SDK1: variants seen among roughly 807,000 people sequenced by gnomAD.
The protein encoded by SDK1 is protein sidekick-1.
In SDK1, 157 loss-of-function variants were observed where a neutral mutation model predicts 245.5. The ratio of observed to expected loss-of-function variants is 0.64; its 90% CI spans 0.56 to 0.73. The LOEUF (loss-of-function observed/expected upper bound fraction) is 0.73, where lower values mean the gene tolerates loss of function less well. Among genes scored for constraint, SDK1 ranks in the 30% least tolerant of loss-of-function variants. The probability of loss-of-function intolerance (pLI) is 0.00; values close to 1 mark genes in which losing one functional copy is unlikely to be tolerated. For synonymous variants in SDK1, 1,647 were observed against 1,278.5 expected (o/e 1.29, Z -6.15); for missense variants, 3,583 against 3,002.3 (o/e 1.19, Z -4.52).
chr7:4,094,982 T>C (rs1239934063), intron 22 of SDK1, among the ~76,000 whole-genome samples: 1 of 152,240 alleles, frequency 6.6e-6, no homozygotes, highest in Non-Finnish European at 1.5e-5. Flanking sequence ...GGTGAAGCTT[T>C]GTCGAAACAT....
intron 1 of SDK1, among the ~76,000 whole-genome samples, chr7:3,429,765 T>G (rs1779781064): frequency 6.6e-6 from 1 of 151,926 alleles, no homozygotes; most frequent in African/African-American, 2.4e-5. Context: ...TCTGGCTTTT[T>G]TTTTTTTTGT....
chr7:3,403,826 T>C (rs6973782), intron 1 of SDK1, among the ~76,000 whole-genome samples: 282 of 11,488 alleles, frequency 0.025, 6 homozygotes, highest in African/African-American at 0.11. Context: ...ATATCTTACA[T>C]ATATATATAT....
At chr7:4,094,503 A>G (rs1039640190) in intron 22 of SDK1, among the ~76,000 whole-genome samples, 4 of 152,214 alleles carry the variant, frequency 2.6e-5, no homozygotes, top group Non-Finnish European at 5.9e-5. Context: ...TGCTAGGCAC[A>G]GGGGCCTCTG....
chr7:3,384,322 T>G (rs1336447195), intron 1 of SDK1, among the ~76,000 whole-genome samples: 2 of 152,192 alleles, frequency 1.3e-5, no homozygotes, highest in Non-Finnish European at 2.9e-5. Flanking sequence ...CATTTTTATT[T>G]TATAAAACTT....
rs1788594443 is a variant in SDK1 at position 4,268,313 on chromosome 7, G to T, written c.*2929G>T. On this transcript the variant is annotated 3_prime_UTR_variant, in exon 45 of 45. Coordinates refer to ENST00000404826, the MANE Select transcript of SDK1 (RefSeq NM_152744.4). The stretch of plus-strand genomic sequence containing the variant: ...CCTCCTCCTGGGGTGCCAGGGCAGA[G>T]ATTCCAGGCAGGTGAGCCCAGAGAG... The T allele has an allele frequency of 5.8e-6, 6 of 1,028,058 alleles. No homozygotes were observed. In the South Asian group the frequency reaches 2.2e-4, roughly 37 times the overall value. The allele number at this position is 1,028,058 out of a possible 1,614,324, so 63.7% of individuals were successfully genotyped here. A position where few individuals can be genotyped will look rare whatever the true frequency, so the allele number is the denominator to read the frequency against.
intron 4 of SDK1, among the ~76,000 whole-genome samples, chr7:3,657,423 G>A (rs1282362322): frequency 6.6e-6 from 1 of 152,188 alleles, no homozygotes; most frequent in Non-Finnish European, 1.5e-5. Context: ...TGGAAAGAGG[G>A]TGAGGAGCGT....
intron 1 of SDK1, among the ~76,000 whole-genome samples, chr7:3,330,339 CTTT>C (rs1562418474): frequency 6.6e-6 from 1 of 152,068 alleles, no homozygotes; most frequent in Admixed American, 6.6e-5. Context: ...ACTTATTTTC[CTTT>C]TTTAAAATAA....
rs1371649988 is a variant in SDK1, at chr7:3,870,418, C to T, written c.847+48835C>T. On this transcript the variant is annotated intron_variant, in intron 5 of 44. Coordinates refer to ENST00000404826, the MANE Select transcript of SDK1 (RefSeq NM_152744.4). ...ATAAGGATGTAGGTGTTATACTGAA[C>T]AAGAAGGACTTAGCGGGTGTCATAA... Among the ~76,000 whole-genome samples, 4 of 152,066 alleles carry T rather than the reference C, an allele frequency of 2.6e-5. No homozygotes were observed. In the East Asian group the frequency reaches 7.7e-4, roughly 29 times the overall value.
intron 1 of SDK1, among the ~76,000 whole-genome samples, chr7:3,418,672 C>T (rs865961229): frequency 6.6e-6 from 1 of 152,128 alleles, no homozygotes; most frequent in African/African-American, 2.4e-5. Flanking sequence ...TTAAGACTTT[C>T]CAGGGTATAT....
At chr7:4,185,970 C>G (rs180760996) in intron 35 of SDK1, among the ~76,000 whole-genome samples, 110 of 152,186 alleles carry the variant, frequency 7.2e-4, no homozygotes, top group African/African-American at 2.6e-3. Flanking sequence ...GGGGATGGAG[C>G]GGCTCCAGGG....
At chr7:3,388,026 T>G (rs1781653007) in intron 1 of SDK1, among the ~76,000 whole-genome samples, 1 of 152,212 alleles carries the variant, frequency 6.6e-6, no homozygotes, top group Non-Finnish European at 1.5e-5. Flanking sequence ...TTAATACAAA[T>G]CTGCATTGTC....
intron 1 of SDK1, among the ~76,000 whole-genome samples, chr7:3,357,010 G>C (rs957024338): frequency 1.4e-4 from 19 of 136,878 alleles, no homozygotes; most frequent in Non-Finnish European, 2.7e-4. Context: ...AGCCGAGATA[G>C]TGCCACTGCA....
chr7:3,838,233 G>A (rs751010890), intron 5 of SDK1, among the ~76,000 whole-genome samples: 4 of 152,196 alleles, frequency 2.6e-5, no homozygotes. Flanking sequence ...CATCAGTTAT[G>A]CCCGGTGCCA....
chr7:3,545,709 A>C (rs540579347), intron 1 of SDK1, among the ~76,000 whole-genome samples: 40 of 152,334 alleles, frequency 2.6e-4, no homozygotes, highest in Non-Finnish European at 1.2e-4. Context: ...AGCTGGGCAC[A>C]GAATTGGTTC....
chr7:3,587,745 C>T (rs1010736875), intron 1 of SDK1, among the ~76,000 whole-genome samples: 2 of 152,234 alleles, frequency 1.3e-5, no homozygotes, highest in African/African-American at 4.8e-5. Flanking sequence ...CCCCGTGGCC[C>T]ACTCAAGTTG....
At chr7:3,676,266 G>C (rs1319509383) in intron 4 of SDK1, among the ~76,000 whole-genome samples, 1 of 151,052 alleles carries the variant, frequency 6.6e-6, no homozygotes, top group Non-Finnish European at 1.5e-5. Context: ...TTATACTCCT[G>C]CCTTGTCCTC....
chr7:3,485,485 C>G (rs574252243), intron 1 of SDK1, among the ~76,000 whole-genome samples: 35 of 152,238 alleles, frequency 2.3e-4, no homozygotes, highest in Non-Finnish European at 4.1e-4. Flanking sequence ...TCCCTCCAGG[C>G]TGTGCTGCCT....
intron 2 of SDK1, among the ~76,000 whole-genome samples, chr7:3,627,171 C>T (rs1023881082): frequency 6.6e-6 from 1 of 152,120 alleles, no homozygotes; most frequent in Non-Finnish European, 1.5e-5. Flanking sequence ...TCAAATGATT[C>T]ACCCAGCTTG....
Position 4,158,562 on chromosome 7 carries a change from C to A in SDK1, c.4729+11C>A, listed in dbSNP as rs371870618. On this transcript the variant is annotated intron_variant, in intron 31 of 44. Transcript: ENST00000404826. ...CCACGCTGCAGGATGGTGAGCAACCCGGGGCCCAGACCGCGTTCCTGGCCG... is the reference window on the plus strand; with the variant it reads ...CCACGCTGCAGGATGGTGAGCAACCAGGGGCCCAGACCGCGTTCCTGGCCG... The A allele has an allele frequency of 6.2e-7, 1 of 1,600,528 alleles. No homozygotes were observed. The highest frequency in any genetic ancestry group is 8.6e-7 in the Non-Finnish European group (1 of 1,168,710).
Sources: allele counts gnomAD v4.1 joint callset (sites outside exome capture counted in the v4.1 genomes callset), GRCh38; gene constraint gnomAD v4.1.1; transcripts MANE v1.5; gene names NCBI Gene and HGNC (gene_info 2026-07-23, HGNC 2026-07-21).